Variants in SAP130 observed in about 807,000 individuals in gnomAD.
SAP130 encodes histone deacetylase complex subunit SAP130.
SAP130 carries 16 observed loss-of-function variants against 103.2 expected under a neutral mutation model. The observed-to-expected ratio is 0.16, with a 90% CI of 0.10 to 0.24. The LOEUF is 0.24. Among genes scored for constraint, SAP130 ranks in the 10% least tolerant of loss-of-function variants. The pLI, the probability that SAP130 is intolerant of heterozygous loss-of-function variation, is 1.00. For missense variants in SAP130, 990 were observed against 1,359.7 expected, an observed-to-expected ratio of 0.73 and a Z score of 4.28; for synonymous variants, 477 against 497.0, an observed-to-expected ratio of 0.96 and a Z score of 0.53.
chr2:127,987,036 T>C (rs762366012), intron 13 of SAP130, 74 bp from the exon 14 acceptor site: 19 of 1,314,510 alleles, frequency 1.4e-5, no homozygotes, highest in African/African-American at 2.9e-5. Context: ...TAAATAAAAA[T>C]GATGAGACCA....
At chr2:127,975,171 T>C (rs191351365) in intron 15 of SAP130, among the ~76,000 whole-genome samples, 2 of 152,340 alleles carry the variant, frequency 1.3e-5, no homozygotes, top group East Asian at 1.9e-4. Flanking sequence ...TCACTGACCA[T>C]AAACAGTTCT....
rs1678737349 is a variant in SAP130 at position 127,941,902 on chromosome 2, C to T, written c.*104G>A. 1 of 936,250 alleles carries T rather than the reference C, an allele frequency of 1.1e-6. No individual in the cohort carries two copies. The highest frequency in any genetic ancestry group is 1.6e-6 in the Non-Finnish European group (1 of 608,716). 58.0% of individuals were successfully genotyped at this position (936,250 alleles called of 1,614,324 possible). A position where few individuals can be genotyped will look rare whatever the true frequency, so the allele number is the denominator to read the frequency against. ...GCTTTCACACGGGAACTAAGGAACA[C>T]TTCCTTTATTTCAATGTTCCACTTT... On this transcript the variant is annotated 3_prime_UTR_variant, in exon 21 of 21. Transcript: ENST00000643581.
At chr2:128,019,599 G>T (rs10174694) in intron 2 of SAP130, among the ~76,000 whole-genome samples, 1 of 151,936 alleles carries the variant, frequency 6.6e-6, no homozygotes, top group Non-Finnish European at 1.5e-5. Context: ...TAAAAATTCA[G>T]TGGAGGCCGG....
Position 127,978,096 on chromosome 2 carries a change from G to C in SAP130, c.1959-7C>G, listed in dbSNP as rs1681602978. 6.5e-7 allele frequency: 1 copy of C among 1,547,304 alleles called. No individual in the cohort carries two copies. The highest frequency in any genetic ancestry group is 8.7e-7 in the Non-Finnish European group (1 of 1,143,064). ...GGTTTTCCGAACTGCCATTCTGAAA[G>C]AGACAAGAGACAAACCCGGAGAACA... On this transcript the variant is annotated splice_region_variant and splice_polypyrimidine_tract_variant and intron_variant, in intron 14 of 20. Transcript: ENST00000643581.
chr2:128,017,676 T>C lies in SAP130; in HGVS notation c.348+4A>G. The C allele has an allele frequency of 1.2e-6, 2 of 1,613,542 alleles. No homozygotes were observed. Among genetic ancestry groups the C allele is most frequent in the Non-Finnish European group, 1.7e-6 (2 of 1,179,430 alleles). On this transcript the variant is annotated splice_donor_region_variant and intron_variant, in intron 3 of 20. Coordinates refer to ENST00000643581, the MANE Select transcript of SAP130 (RefSeq NM_001330301.2). ...CAGTGTGAAGTTTTAACCCTCTCCA[T>C]TACCTTCATAAGTCCCTCCGAAAAT...
chr2:127,996,875 C>G lies in SAP130; in HGVS notation c.1214-384G>C, dbSNP rs1196324601. Among the ~76,000 whole-genome samples, 2 of 152,014 alleles carry G rather than the reference C, an allele frequency of 1.3e-5. No homozygotes were observed. The highest frequency in any genetic ancestry group is 2.9e-5 in the Non-Finnish European group (2 of 68,008). On this transcript the variant is annotated intron_variant, in intron 10 of 20. Transcript: ENST00000643581. This position sits in a 1 kb window ranked among gnomAD's most constrained non-coding sequence, Gnocchi z 4.3. ...AAGGCTACAGTGAGCCATGACTGCA[C>G]CACTATACTCCAGCCTCACTCACAG... is the stretch of plus-strand genomic sequence containing the variant.
At chr2:128,015,315 A>C (rs1367444436) in intron 4 of SAP130, among the ~76,000 whole-genome samples, 2 of 152,092 alleles carry the variant, frequency 1.3e-5, no homozygotes, top group Non-Finnish European at 2.9e-5. Context: ...TTTGTTTCTA[A>C]GTAAATGTCA....
chr2:128,025,115 G>A lies in SAP130; in HGVS notation c.112+1066C>T, dbSNP rs1048625146. Reference sequence around the variant, plus strand: ...GTGGTGAAGAAAAAGGAATAGAAAAGCATTTATTTCACTTTGCAATGTCAT... The same window carrying A: ...GTGGTGAAGAAAAAGGAATAGAAAAACATTTATTTCACTTTGCAATGTCAT... On this transcript the variant is annotated intron_variant, in intron 2 of 20. Transcript: ENST00000643581. Among the ~76,000 whole-genome samples, 23 of 151,172 alleles carry A rather than the reference G, an allele frequency of 1.5e-4. 1 individual carries two copies. Among genetic ancestry groups the A allele is most frequent in the Admixed American group, 1.1e-3 (16 of 15,164 alleles).
chr2:127,950,113 G>A, intron 17 of SAP130, 47 bp downstream of exon 17: 5 of 1,611,724 alleles, frequency 3.1e-6, no homozygotes, highest in Non-Finnish European at 4.2e-6. Context: ...GTTGGACTCT[G>A]ACTTTATTGG....
chr2:127,943,327 G>A (rs923996780), intron 19 of SAP130, among the ~76,000 whole-genome samples: 2 of 152,292 alleles, frequency 1.3e-5, no homozygotes, highest in Admixed American at 1.3e-4. Flanking sequence ...TTATAGAAAT[G>A]GCCAAACATA....
chr2:127,988,781 A>T (rs1389099505), intron 13 of SAP130, among the ~76,000 whole-genome samples: 2 of 152,134 alleles, frequency 1.3e-5, no homozygotes, highest in African/African-American at 4.8e-5. Context: ...GCCCAGGAGG[A>T]TGAGGCTGTG....
At chr2:127,978,141 G>A in intron 14 of SAP130, 52 bp from the exon 15 acceptor site, 1 of 1,359,068 alleles carries the variant, frequency 7.4e-7, no homozygotes, top group Non-Finnish European at 1.0e-6. Context: ...GGGCATTCAA[G>A]GCTAAGAAAT....
chr2:127,957,278 G>A (rs984877969), intron 15 of SAP130, among the ~76,000 whole-genome samples: 1 of 152,108 alleles, frequency 6.6e-6, no homozygotes. Context: ...ACTCCAGCCT[G>A]GGCAACAGAG....
At chr2:127,950,433 T>C (rs749692737) in intron 16 of SAP130, 25 bp from the exon 17 acceptor site, 5 of 1,611,752 alleles carry the variant, frequency 3.1e-6, no homozygotes, top group Non-Finnish European at 3.4e-6. Flanking sequence ...GGAGCACACA[T>C]ATCTGTAAGA....
At chr2:128,010,420 T>G in intron 6 of SAP130, 27 bp from the exon 7 acceptor site, 1 of 1,591,434 alleles carries the variant, frequency 6.3e-7, no homozygotes, top group Non-Finnish European at 8.6e-7. Flanking sequence ...AACAGTTCAT[T>G]TAAAACAAAA....
At chr2:128,027,252 AC>A in intron 1 of SAP130, 1 of 1,152,688 alleles carries the variant, frequency 8.7e-7, no homozygotes, top group Non-Finnish European at 1.1e-6. Flanking sequence ...CGCTGGCCCC[AC>A]TCACCCCCGC....
chr2:127,979,651 T>C (rs1681721125), intron 14 of SAP130, among the ~76,000 whole-genome samples: 1 of 152,194 alleles, frequency 6.6e-6, no homozygotes. Context: ...GAACAATGAC[T>C]GGCTATTTGA....
intron 13 of SAP130, among the ~76,000 whole-genome samples, chr2:127,988,910 T>C (rs1682585988): frequency 6.6e-6 from 1 of 152,168 alleles, no homozygotes; most frequent in Non-Finnish European, 1.5e-5. Flanking sequence ...CACTAGTATT[T>C]CTTTTTAAGA....
At chr2:127,948,328 G>GTTTTTT (rs71307269) in intron 18 of SAP130, among the ~76,000 whole-genome samples, 29 of 101,534 alleles carry the variant, frequency 2.9e-4, no homozygotes, top group Non-Finnish European at 3.6e-4. Context: ...TTTCCTGTGA[G>GTTTTTT]TTTTTTTTTT....
Sources: allele counts gnomAD v4.1 joint callset (sites outside exome capture counted in the v4.1 genomes callset), GRCh38; gene constraint gnomAD v4.1.1; non-coding constraint Gnocchi (gnomAD v3.1); transcripts MANE v1.5; gene names NCBI Gene and HGNC (gene_info 2026-07-23, HGNC 2026-07-21).